The following RAD51B variants were observed in gnomAD, a reference collection of about 807,000 sequenced individuals.
The protein encoded by RAD51B is RAD51 paralog B, also known as DNA repair protein RAD51 homolog 2.
In RAD51B, 38 loss-of-function variants were observed where a neutral mutation model predicts 42.2. The observed-to-expected ratio is 0.90, with a 90% CI of 0.70 to 1.18. The LOEUF (loss-of-function observed/expected upper bound fraction) is 1.18, where lower values mean the gene tolerates loss of function less well. RAD51B is among the 50% of genes most tolerant of loss of function. RAD51B has a pLI of 0.00. For missense variants in RAD51B, 373 were observed against 400.7 expected (o/e 0.93, Z 0.59); for synonymous variants, 154 against 145.2 (o/e 1.06, Z -0.43).
chr14:68,677,796 C>T (rs933149567), intron 11 of RAD51B, among the ~76,000 whole-genome samples: 2 of 152,186 alleles, frequency 1.3e-5, no homozygotes, highest in African/African-American at 4.8e-5. Flanking sequence ...ACAGCCAGGT[C>T]CTCTTGGGTA....
intron 9 of RAD51B, among the ~76,000 whole-genome samples, chr14:68,464,571 A>G (rs1178904865): frequency 1.3e-5 from 2 of 152,236 alleles, no homozygotes; most frequent in Non-Finnish European, 2.9e-5. Flanking sequence ...AATTCTGTAC[A>G]TTCTACTAGA....
chr14:68,463,532 CAT>C (rs1020796273), intron 9 of RAD51B, among the ~76,000 whole-genome samples: 2 of 151,944 alleles, frequency 1.3e-5, no homozygotes, highest in African/African-American at 4.8e-5. Context: ...TTAGAAAACT[CAT>C]AGTGAAAGCA....
At chr14:67,998,393 C>G (rs2075423180) in intron 7 of RAD51B, among the ~76,000 whole-genome samples, 1 of 152,146 alleles carries the variant, frequency 6.6e-6, no homozygotes, top group Non-Finnish European at 1.5e-5. Flanking sequence ...CAGCCAATAA[C>G]TGTTTGAGAA....
chr14:67,854,278 A>G (rs1005297824), intron 4 of RAD51B, among the ~76,000 whole-genome samples: 2 of 152,220 alleles, frequency 1.3e-5, no homozygotes, highest in African/African-American at 2.4e-5. Flanking sequence ...TGGGGTTAAT[A>G]TTACCCATGC....
intron 7 of RAD51B, among the ~76,000 whole-genome samples, chr14:67,935,936 G>T (rs1310515470): frequency 6.6e-6 from 1 of 151,998 alleles, no homozygotes; most frequent in Non-Finnish European, 1.5e-5. Context: ...GTAGGCCAAC[G>T]TCTGTTTGTT....
chr14:68,542,356 A>C lies in RAD51B; in HGVS notation c.1037-52129A>C, dbSNP rs116289322. 5.6e-3 allele frequency among the ~76,000 whole-genome samples: 857 copies of C among 152,244 alleles called. 5 individuals are homozygous for C. Among genetic ancestry groups the C allele is most frequent in the African/African-American group, 0.02 (816 of 41,530 alleles). Reference sequence around the variant, plus strand: ...GGGCAGTGTCAATGCTATTATTCTTATTATTTGCTTGTGCTTATACTACTA... The same window carrying C: ...GGGCAGTGTCAATGCTATTATTCTTCTTATTTGCTTGTGCTTATACTACTA... On this transcript the variant is annotated intron_variant, in intron 10 of 10. Transcript: ENST00000487270.
chr14:68,326,336 G>A (rs866302102), intron 8 of RAD51B, among the ~76,000 whole-genome samples: 3 of 151,910 alleles, frequency 2.0e-5, no homozygotes, highest in Admixed American at 6.6e-5. Context: ...CACCAAGCCC[G>A]GCCAATGTTA....
chr14:68,411,520 G>A lies in RAD51B; in HGVS notation c.950G>A (p.Arg317Lys), dbSNP rs1489084772. 2 of 1,613,726 alleles carry A rather than the reference G, an allele frequency of 1.2e-6. No homozygotes were observed. Among genetic ancestry groups the A allele is most frequent in the Admixed American group, 1.7e-5 (1 of 59,978 alleles). The part of the protein sequence containing the change: ...RLILQYLDSE[R>K]RQILIAKSPL... ...ATCCTCCAGTACCTTGATTCAGAGA[G>A]AAGACAGGTGGGTGCTTTGACAGTA... Residue 317 changes from arginine to lysine, a missense_variant, in exon 9 of 11, where the codon AGA becomes AAA. Physicochemically the swap from Arg to Lys is conservative, Grantham distance 26. Coordinates refer to ENST00000471583, the MANE Select transcript of RAD51B (RefSeq NM_133510.4).
chr14:68,203,580 G>A (rs113299985), intron 7 of RAD51B, among the ~76,000 whole-genome samples: 4,326 of 152,194 alleles, frequency 0.028, 231 homozygotes, highest in African/African-American at 0.1. Flanking sequence ...AGCCCCTACC[G>A]AGAGAGTCAG....
intron 7 of RAD51B, among the ~76,000 whole-genome samples, chr14:68,260,858 A>G (rs1471930504): frequency 6.6e-6 from 1 of 152,214 alleles, no homozygotes; most frequent in Non-Finnish European, 1.5e-5. Context: ...AGCTAACATA[A>G]ACAATTACCT....
Position 67,823,550 on chromosome 14 carries a change from A to G in RAD51B, c.7A>G (p.Ser3Gly), listed in dbSNP as rs1009774288. ...CTTTGCTGGATCTGGAGGCATGGGT[A>G]GCAAGAAACTAAAACGAGTGGGTTT... MG[S>G]KKLKRVGLSQ... The change falls in exon 2 of 11, where the codon AGC becomes GGC. Residue 3 changes from serine to glycine, a missense_variant. Ser to Gly is a moderately conservative substitution (Grantham distance 56). Coordinates refer to ENST00000471583, the MANE Select transcript of RAD51B (RefSeq NM_133510.4). 20 of 1,613,630 alleles carry G rather than the reference A, an allele frequency of 1.2e-5. No homozygotes were observed. The highest frequency in any genetic ancestry group is 1.6e-5 in the Non-Finnish European group (19 of 1,179,822).
chr14:68,509,013 G>C (rs1885533408), intron 10 of RAD51B, among the ~76,000 whole-genome samples: 1 of 152,230 alleles, frequency 6.6e-6, no homozygotes, highest in East Asian at 1.9e-4. Flanking sequence ...TAGCCTAGAA[G>C]TGCCTGAAGG....
chr14:68,294,393 A>C (rs1307636296), intron 8 of RAD51B, among the ~76,000 whole-genome samples: 1 of 152,216 alleles, frequency 6.6e-6, no homozygotes, highest in East Asian at 1.9e-4. Flanking sequence ...AAAATGAACA[A>C]TGTCTTAGAA....
chr14:67,883,815 C>T (rs1216225978), intron 5 of RAD51B, among the ~76,000 whole-genome samples: 1 of 152,122 alleles, frequency 6.6e-6, no homozygotes, highest in African/African-American at 2.4e-5. Context: ...GCCATATTCT[C>T]AGCACCCAGA....
chr14:67,992,017 T>G (rs1296103032), intron 7 of RAD51B, among the ~76,000 whole-genome samples: 2 of 152,176 alleles, frequency 1.3e-5, no homozygotes, highest in African/African-American at 4.8e-5. Context: ...AACTTTGTCA[T>G]GTTTCTTTCA....
chr14:68,141,629 T>C (rs987392260), intron 7 of RAD51B, among the ~76,000 whole-genome samples: 3 of 152,294 alleles, frequency 2.0e-5, no homozygotes, highest in Middle Eastern at 3.4e-3. Flanking sequence ...ATTAACATTA[T>C]TATTTGGTTT....
At chr14:68,401,347 A>T (rs565373460) in intron 8 of RAD51B, among the ~76,000 whole-genome samples, 22 of 152,302 alleles carry the variant, frequency 1.4e-4, no homozygotes, top group African/African-American at 5.1e-4. Context: ...GGGAAACTGA[A>T]GGTATTTTCT....
intron 7 of RAD51B, among the ~76,000 whole-genome samples, chr14:68,139,494 G>T (rs1325659005): frequency 6.6e-6 from 1 of 151,946 alleles, no homozygotes; most frequent in Non-Finnish European, 1.5e-5. Context: ...AAAACCCTTT[G>T]ATTGAGACAA....
chr14:68,483,358 CCAAA>C (rs1474276829), intron 10 of RAD51B, among the ~76,000 whole-genome samples: 3 of 152,160 alleles, frequency 2.0e-5, no homozygotes, highest in African/African-American at 7.2e-5. Context: ...TTCAGGAAGA[CCAAA>C]CAGTTTTGCA....
Sources: allele counts gnomAD v4.1 joint callset (sites outside exome capture counted in the v4.1 genomes callset), GRCh38; gene constraint gnomAD v4.1.1; transcripts MANE v1.5; gene names NCBI Gene and HGNC (gene_info 2026-07-23, HGNC 2026-07-21).